The following FNDC3B variants were observed in gnomAD, a reference collection of about 807,000 sequenced individuals.
FNDC3B encodes fibronectin type III domain containing 3B, also known as fibronectin type III domain-containing protein 3B.
In FNDC3B, 12 loss-of-function variants were observed where a neutral mutation model predicts 151.5. The ratio of observed to expected loss-of-function variants is 0.08; its 90% CI spans 0.05 to 0.13. FNDC3B has a LOEUF of 0.13. Among genes scored for constraint, FNDC3B ranks in the 10% least tolerant of loss-of-function variants. The pLI, the probability that FNDC3B is intolerant of heterozygous loss-of-function variation, is 1.00. For synonymous variants in FNDC3B, 528 were observed against 549.0 expected, an observed-to-expected ratio of 0.96 and a Z score of 0.54; for missense variants, 1,214 against 1,505.3, an observed-to-expected ratio of 0.81 and a Z score of 3.20.
At chr3:172,238,987 A>G (rs928977927) in intron 4 of FNDC3B, among the ~76,000 whole-genome samples, 1 of 152,226 alleles carries the variant, frequency 6.6e-6, no homozygotes, top group African/African-American at 2.4e-5. Flanking sequence ...GTTATGGAGA[A>G]AAGTTTTAAT....
At chr3:172,107,179 A>G (rs1047814481) in intron 1 of FNDC3B, among the ~76,000 whole-genome samples, 1 of 152,146 alleles carries the variant, frequency 6.6e-6, no homozygotes, top group Non-Finnish European at 1.5e-5. Flanking sequence ...GGTGTGAAGC[A>G]CTTGCGGTTT....
At chr3:172,371,789 T>G (rs1028019800) in intron 23 of FNDC3B, among the ~76,000 whole-genome samples, 3 of 152,204 alleles carry the variant, frequency 2.0e-5, no homozygotes, top group Non-Finnish European at 4.4e-5. Flanking sequence ...TGCCCAGCTC[T>G]TCTCTCCAAC....
At chr3:172,087,092 G>A (rs1044008270) in intron 1 of FNDC3B, among the ~76,000 whole-genome samples, 4 of 152,194 alleles carry the variant, frequency 2.6e-5, no homozygotes, top group Non-Finnish European at 4.4e-5. Flanking sequence ...TCAAAACAGT[G>A]TAGAATCCAA....
chr3:172,087,804 A>G (rs1039461928), intron 1 of FNDC3B, among the ~76,000 whole-genome samples: 2 of 152,192 alleles, frequency 1.3e-5, no homozygotes, highest in Admixed American at 1.3e-4. Flanking sequence ...ATAAGAATTC[A>G]ATGCTTCTCC....
chr3:172,286,004 C>G lies in FNDC3B; in HGVS notation c.849+20C>G, dbSNP rs371587209. ...CCACAGGTATGTCTTCTGGATTTCT[C>G]AGCATAAATGACACTTTTTAAAGTA... On this transcript the variant is annotated intron_variant, in intron 7 of 25. Transcript: ENST00000415807. 3 of 1,574,682 alleles carry G rather than the reference C, an allele frequency of 1.9e-6. No homozygotes were observed. In the African/African-American group the frequency reaches 4.1e-5, roughly 22 times the overall value.
At chr3:172,048,797 A>C (rs1716489526) in intron 1 of FNDC3B, among the ~76,000 whole-genome samples, 1 of 152,230 alleles carries the variant, frequency 6.6e-6, no homozygotes, top group East Asian at 1.9e-4. Flanking sequence ...AGGCAGTTCT[A>C]ATACATGCCA....
chr3:172,135,154 G>T (rs1408997158), intron 3 of FNDC3B, among the ~76,000 whole-genome samples: 2 of 152,122 alleles, frequency 1.3e-5, no homozygotes, highest in African/African-American at 4.8e-5. Context: ...CTGAGTGTGT[G>T]TAATAGAATC....
chr3:172,292,437 T>G (rs1730393216), intron 7 of FNDC3B, among the ~76,000 whole-genome samples: 1 of 152,246 alleles, frequency 6.6e-6, no homozygotes, highest in Non-Finnish European at 1.5e-5. Flanking sequence ...CTTCAAGTGT[T>G]GTATTTCTCT....
In FNDC3B at chr3:172,298,448, A is replaced by G. The variant is rs377476155; in HGVS notation, c.1002-280A>G. Among the ~76,000 whole-genome samples the G allele has an allele frequency of 1.1e-4, 17 of 152,292 alleles. No individual in the cohort carries two copies. The South Asian group carries it at 3.5e-3, about 32-fold the overall frequency. ...CATTCATTTGCTTACTTAGTTACTT[A>G]TATGTATTTACTCGTAAGAAGTGAT... is the stretch of plus-strand genomic sequence containing the variant. On this transcript the variant is annotated intron_variant, in intron 8 of 25. Coordinates refer to ENST00000415807, the MANE Select transcript of FNDC3B (RefSeq NM_022763.4).
intron 4 of FNDC3B, among the ~76,000 whole-genome samples, chr3:172,242,218 C>G (rs935721668): frequency 6.6e-6 from 1 of 152,148 alleles, no homozygotes. Context: ...CTTTCACAGG[C>G]TGGTATTGAG....
chr3:172,234,149 A>G (rs998993906), intron 4 of FNDC3B, among the ~76,000 whole-genome samples: 2 of 152,176 alleles, frequency 1.3e-5, no homozygotes, highest in Non-Finnish European at 2.9e-5. Context: ...GCATCGTGAC[A>G]TAATAGAACA....
In FNDC3B at chr3:172,307,438, C is replaced by A; in HGVS notation, c.1137C>A (p.Pro379=). ...GCTTCACCACCCACAGCTGTGCACC[C>A]GAGTGTCCTTTCCCCCCTAAGCTGG... The part of the protein sequence containing the change: ...PVSFTTHSCA[P]ECPFPPKLAH... The change falls in exon 10 of 26, where the codon CCC becomes CCA. Residue 379 remains proline (P), a synonymous_variant. Transcript: ENST00000415807. 6.2e-7 allele frequency: 1 copy of A among 1,614,056 alleles called. No homozygotes were observed. The highest frequency in any genetic ancestry group is 1.1e-5 in the South Asian group (1 of 91,084).
At chr3:172,162,775 G>A (rs1247972640) in intron 3 of FNDC3B, among the ~76,000 whole-genome samples, 1 of 151,718 alleles carries the variant, frequency 6.6e-6, no homozygotes, top group Non-Finnish European at 1.5e-5. Context: ...GTAGGGTATG[G>A]TTAGCTATGA....
At chr3:172,366,491 A>C (rs1433104936) in intron 23 of FNDC3B, among the ~76,000 whole-genome samples, 1 of 152,156 alleles carries the variant, frequency 6.6e-6, no homozygotes, top group African/African-American at 2.4e-5. Flanking sequence ...AAAAAAAAAC[A>C]TAGTTTCTGA....
intron 3 of FNDC3B, among the ~76,000 whole-genome samples, chr3:172,223,540 A>G (rs1386659591): frequency 6.6e-6 from 1 of 152,224 alleles, no homozygotes; most frequent in Non-Finnish European, 1.5e-5. Context: ...AAATGACTTT[A>G]ACAGTTTTAG....
At chr3:172,255,866 G>A (rs928673299) in intron 6 of FNDC3B, among the ~76,000 whole-genome samples, 1 of 152,152 alleles carries the variant, frequency 6.6e-6, no homozygotes, top group Admixed American at 6.5e-5. Flanking sequence ...CAGCCTCTTG[G>A]GACTTCCTTT....
chr3:172,343,479 CA>C (rs1322044471), intron 18 of FNDC3B, among the ~76,000 whole-genome samples: 7 of 152,252 alleles, frequency 4.6e-5, no homozygotes, highest in Admixed American at 1.3e-4. Flanking sequence ...GAATTTAAAC[CA>C]AAGAATGGTT....
At chr3:172,267,156 A>G (rs537396730) in intron 6 of FNDC3B, among the ~76,000 whole-genome samples, 1 of 148,958 alleles carries the variant, frequency 6.7e-6, no homozygotes, top group African/African-American at 2.5e-5. Flanking sequence ...ATCTACACAC[A>G]CACTTTTTTT....
intron 3 of FNDC3B, among the ~76,000 whole-genome samples, chr3:172,208,774 C>T (rs948642285): frequency 5.9e-5 from 9 of 152,098 alleles, no homozygotes; most frequent in Non-Finnish European, 8.8e-5. Flanking sequence ...GCCAAGGGTG[C>T]GCCAGTCACG....
Sources: allele counts gnomAD v4.1 joint callset (sites outside exome capture counted in the v4.1 genomes callset), GRCh38; gene constraint gnomAD v4.1.1; transcripts MANE v1.5; gene names NCBI Gene and HGNC (gene_info 2026-07-23, HGNC 2026-07-21).